The following ZNF385D variants were observed in gnomAD, a reference collection of about 807,000 sequenced individuals.
The protein encoded by ZNF385D is zinc finger protein 659.
In ZNF385D, 15 loss-of-function variants were observed where a neutral mutation model predicts 35.8. That is an observed-to-expected ratio of 0.42 (90% CI 0.28 to 0.64). The LOEUF (loss-of-function observed/expected upper bound fraction) is 0.64. ZNF385D is among the 30% of genes least tolerant of loss of function. The pLI is 0.23. For synonymous variants in ZNF385D, 212 were observed against 186.8 expected, an observed-to-expected ratio of 1.13 and a Z score of -1.10; for missense variants, 474 against 494.6, an observed-to-expected ratio of 0.96 and a Z score of 0.39.
intron 3 of ZNF385D, among the ~76,000 whole-genome samples, chr3:21,961,982 G>T (rs1215155839): frequency 6.6e-6 from 1 of 152,130 alleles, no homozygotes; most frequent in African/African-American, 2.4e-5. Context: ...AGCACACAGG[G>T]TCTTGTGGGC....
intron 3 of ZNF385D, among the ~76,000 whole-genome samples, chr3:22,112,282 T>C (rs143751963): frequency 0.019 from 2,859 of 152,228 alleles, 95 homozygotes; most frequent in African/African-American, 0.064. Flanking sequence ...CTGAATCTCA[T>C]AGTCTGAAAA....
At position 22,343,292 on chromosome 3, in the gene ZNF385D, T is replaced by A. The variant is rs73822148; in HGVS notation, c.106+29158A>T. On this transcript the variant is annotated intron_variant, in intron 2 of 5. Coordinates refer to the ZNF385D transcript ENST00000494108. ...AAAACAAAACAACCCAGCAATGATT[T>A]TGACAGATCTACGTTTCCATTTCAG... Among the ~76,000 whole-genome samples the A allele has an allele frequency of 6.1e-3, 925 of 152,334 alleles. 9 individuals carry two copies. The highest frequency in any genetic ancestry group is 0.021 in the African/African-American group (864 of 41,576).
chr3:21,988,763 C>G (rs1331226803), intron 3 of ZNF385D, among the ~76,000 whole-genome samples: 1 of 151,840 alleles, frequency 6.6e-6, no homozygotes, highest in Non-Finnish European at 1.5e-5. Flanking sequence ...CGCCCCTCCC[C>G]CAGCCTCGCT....
chr3:22,279,928 C>G (rs1015073210), intron 2 of ZNF385D, among the ~76,000 whole-genome samples: 4 of 151,956 alleles, frequency 2.6e-5, no homozygotes, highest in Non-Finnish European at 5.9e-5. Context: ...CCTTTTTCAC[C>G]ACATCCATGC....
At chr3:22,107,979 C>T (rs1702313125) in intron 3 of ZNF385D, among the ~76,000 whole-genome samples, 1 of 151,784 alleles carries the variant, frequency 6.6e-6, no homozygotes, top group Admixed American at 6.6e-5. Context: ...CTTCAAGCAG[C>T]TTTTGGCTAT....
At chr3:21,813,158 A>T (rs900542651) in intron 3 of ZNF385D, among the ~76,000 whole-genome samples, 1 of 152,212 alleles carries the variant, frequency 6.6e-6, no homozygotes, top group African/African-American at 2.4e-5. Flanking sequence ...AAAACTAACA[A>T]ACAGAAAGGA....
At chr3:21,859,253 C>T (rs543499301) in intron 3 of ZNF385D, among the ~76,000 whole-genome samples, 20 of 151,980 alleles carry the variant, frequency 1.3e-4, no homozygotes, top group Non-Finnish European at 2.8e-4. Context: ...AGCAAAACTG[C>T]GCTTTATACC....
intron 3 of ZNF385D, among the ~76,000 whole-genome samples, chr3:22,076,641 T>C (rs532309839): frequency 2.6e-5 from 4 of 152,098 alleles, no homozygotes; most frequent in African/African-American, 2.4e-5. Flanking sequence ...CTGTGGTTCA[T>C]AGTTTTATCC....
chr3:22,192,253 G>A (rs1696105057), intron 2 of ZNF385D, among the ~76,000 whole-genome samples: 1 of 152,116 alleles, frequency 6.6e-6, no homozygotes, highest in Non-Finnish European at 1.5e-5. Flanking sequence ...CCCCTCATTT[G>A]CAAGCTGAGA....
chr3:21,770,431 T>A (rs753192406), intron 3 of ZNF385D, among the ~76,000 whole-genome samples: 18 of 152,032 alleles, frequency 1.2e-4, no homozygotes, highest in Non-Finnish European at 2.9e-5. Context: ...GGGCAAAGTA[T>A]ATGAACAGAC....
rs186424078 is a variant in ZNF385D, at chr3:21,927,886, A to G, written c.325+240931T>C. 1.9e-4 allele frequency among the ~76,000 whole-genome samples: 29 copies of G among 152,300 alleles called. 1 individual carries two copies. The highest frequency in any genetic ancestry group is 3.4e-3 in the Middle Eastern group (1 of 294). On this transcript the variant is annotated intron_variant, in intron 3 of 5. Transcript: ENST00000494108. ...TGCAGACATCAATATACCACTCTCGATAACAGCACAACTAGACAGAAAATC... is the reference window on the plus strand; with the variant it reads ...TGCAGACATCAATATACCACTCTCGGTAACAGCACAACTAGACAGAAAATC...
intron 2 of ZNF385D, among the ~76,000 whole-genome samples, chr3:22,193,580 G>T (rs1696207510): frequency 6.6e-6 from 1 of 151,936 alleles, no homozygotes; most frequent in South Asian, 2.1e-4. Flanking sequence ...CTTCAAAATT[G>T]AAGATTATGT....
intron 3 of ZNF385D, chr3:21,849,691 G>A (rs9855378): frequency 7.2e-6 from 1 of 139,218 alleles, no homozygotes; most frequent in African/African-American, 2.6e-5. Flanking sequence ...TTCTAATGCA[G>A]ATGTCCTCAA....
intron 4 of ZNF385D, among the ~76,000 whole-genome samples, chr3:21,484,976 G>A (rs759027658): frequency 6.6e-6 from 1 of 152,114 alleles, no homozygotes; most frequent in Non-Finnish European, 1.5e-5. Context: ...GAGTCATCCT[G>A]TAAGTCTTGA....
At chr3:21,913,314 C>T (rs1700053561) in intron 3 of ZNF385D, among the ~76,000 whole-genome samples, 1 of 152,088 alleles carries the variant, frequency 6.6e-6, no homozygotes, top group East Asian at 1.9e-4. Context: ...ACTGTACCCT[C>T]CTCACATAAA....
At chr3:21,860,772 C>G (rs1256316221) in intron 3 of ZNF385D, among the ~76,000 whole-genome samples, 2 of 152,164 alleles carry the variant, frequency 1.3e-5, no homozygotes, top group Non-Finnish European at 2.9e-5. Context: ...CAAAGGCTTT[C>G]TGCTGCTCCA....
At chr3:22,019,580 C>A (rs1697104147) in intron 3 of ZNF385D, among the ~76,000 whole-genome samples, 1 of 151,782 alleles carries the variant, frequency 6.6e-6, no homozygotes, top group Non-Finnish European at 1.5e-5. Flanking sequence ...TTTAAAAAAT[C>A]CTTTTATTTG....
intron 3 of ZNF385D, among the ~76,000 whole-genome samples, chr3:21,988,940 G>T (rs541985107): frequency 1.3e-5 from 2 of 152,146 alleles, no homozygotes; most frequent in Non-Finnish European, 2.9e-5. Context: ...TTCCAGGTGC[G>T]TCCATCACCC....
intron 3 of ZNF385D, among the ~76,000 whole-genome samples, chr3:21,896,538 C>G (rs1465838932): frequency 6.6e-6 from 1 of 152,002 alleles, no homozygotes; most frequent in Non-Finnish European, 1.5e-5. Context: ...CTTTTTTTCC[C>G]CCTGGTATAT....
Sources: allele counts gnomAD v4.1 joint callset (sites outside exome capture counted in the v4.1 genomes callset), GRCh38; gene constraint gnomAD v4.1.1; transcripts MANE v1.5; gene names NCBI Gene and HGNC (gene_info 2026-07-23, HGNC 2026-07-21).